Variants in PLPPR1 observed in about 807,000 individuals in gnomAD.
PLPPR1 encodes phospholipid phosphatase related 1.
PLPPR1 carries 10 observed loss-of-function variants against 33.1 expected under a neutral mutation model. The observed-to-expected ratio is 0.30, with a 90% CI of 0.19 to 0.51. PLPPR1 has a LOEUF of 0.51. Ranked by LOEUF, PLPPR1 falls within the 20% of genes least tolerant of loss-of-function variation. The pLI, the probability that PLPPR1 is intolerant of heterozygous loss-of-function variation, is 0.97. For synonymous variants in PLPPR1, 151 were observed against 151.0 expected (o/e 1.00, Z 0.00); for missense variants, 304 against 408.1 (o/e 0.74, Z 2.20).
intron 2 of PLPPR1, among the ~76,000 whole-genome samples, chr9:101,202,342 T>TTTATCACA (rs1453898874): frequency 6.6e-6 from 1 of 152,234 alleles, no homozygotes; most frequent in African/African-American, 2.4e-5. Flanking sequence ...TGAAAATATT[T>TTTATCACA]TTATCACATA....
chr9:101,115,382 C>T (rs1200673911), intron 1 of PLPPR1, among the ~76,000 whole-genome samples: 1 of 152,174 alleles, frequency 6.6e-6, no homozygotes, highest in Non-Finnish European at 1.5e-5. Flanking sequence ...TTTCAATATG[C>T]AAGTATTTAT....
chr9:101,275,187 G>T (rs184407437), intron 3 of PLPPR1, among the ~76,000 whole-genome samples: 32 of 152,332 alleles, frequency 2.1e-4, no homozygotes, highest in Middle Eastern at 6.8e-3. Flanking sequence ...CAAAAGTGTA[G>T]CTCAATGTGG....
intron 4 of PLPPR1, among the ~76,000 whole-genome samples, chr9:101,300,361 CAG>C (rs1387121164): frequency 1.1e-4 from 16 of 152,248 alleles, no homozygotes; most frequent in African/African-American, 3.6e-4. Flanking sequence ...TTATTATTTG[CAG>C]AGACAGGGTC....
intron 1 of PLPPR1, among the ~76,000 whole-genome samples, chr9:101,120,582 A>G (rs570450356): frequency 6.6e-6 from 1 of 152,316 alleles, no homozygotes; most frequent in Admixed American, 6.5e-5. Context: ...GTATGTGTCT[A>G]TAAGATAAGT....
At position 101,317,505 on chromosome 9, in the gene PLPPR1, A is replaced by G. The variant is rs1829080183; in HGVS notation, c.945+9A>G. 2 of 1,610,492 alleles carry G rather than the reference A, an allele frequency of 1.2e-6. No homozygotes were observed. Among genetic ancestry groups the G allele is most frequent in the Non-Finnish European group, 1.7e-6 (2 of 1,178,914 alleles). On this transcript the variant is annotated intron_variant, in intron 7 of 7. Transcript: ENST00000374874. ...AAACCTTAAGTGCACAGGTATGGTA[A>G]AGCAGTTTTAGCAAACCAAACCCAC... is the stretch of plus-strand genomic sequence containing the variant.
chr9:101,094,049 G>A (rs1830783987), intron 1 of PLPPR1, among the ~76,000 whole-genome samples: 1 of 152,102 alleles, frequency 6.6e-6, no homozygotes, highest in African/African-American at 2.4e-5. Context: ...CATCTGAATT[G>A]CAGCCAGAAT....
At chr9:101,187,290 G>A (rs969499167) in intron 2 of PLPPR1, 1 of 151,822 alleles carries the variant, frequency 6.6e-6, no homozygotes, top group Non-Finnish European at 1.5e-5. Flanking sequence ...CCCTCAAAGT[G>A]AGATGTTTAA....
chr9:101,292,324 C>G (rs1383067735), intron 4 of PLPPR1, among the ~76,000 whole-genome samples: 1 of 152,066 alleles, frequency 6.6e-6, no homozygotes, highest in Admixed American at 6.5e-5. Context: ...ATTGGTGTAC[C>G]TGAAAGTGAT....
At position 101,324,792 on chromosome 9, in the gene PLPPR1, CCT is replaced by C. The variant is rs1452803482; in HGVS notation, c.*736_*737del. 6.6e-6 allele frequency: 1 copy of C among 152,558 alleles called. No individual in the cohort carries two copies. Among genetic ancestry groups the C allele is most frequent in the Non-Finnish European group, 1.5e-5 (1 of 68,038 alleles). The allele number at this position is 152,558 out of a possible 1,614,324, so 9.5% of individuals were successfully genotyped here. ...CAAAAAGCAGCCAACATCAGCCTCC[CCT>C]GTCAACTCAACAGTTTTGTATCTCA... On this transcript the variant is annotated 3_prime_UTR_variant, in exon 8 of 8. Transcript: ENST00000374874.
At chr9:101,143,595 C>T (rs1037181435) in intron 1 of PLPPR1, among the ~76,000 whole-genome samples, 4 of 152,276 alleles carry the variant, frequency 2.6e-5, no homozygotes, top group Middle Eastern at 3.4e-3. Context: ...AAAAATCAAA[C>T]GACCCCATCA....
intron 5 of PLPPR1, 128 bp downstream of exon 5, chr9:101,309,589 A>G: frequency 9.7e-7 from 1 of 1,029,036 alleles, no homozygotes; most frequent in Non-Finnish European, 1.4e-6. Context: ...ATTTCTCTAC[A>G]TTATGCTATT....
intron 1 of PLPPR1, among the ~76,000 whole-genome samples, chr9:101,047,747 T>G (rs2118435996): frequency 6.6e-6 from 1 of 152,352 alleles, no homozygotes; most frequent in African/African-American, 2.4e-5. Context: ...TCGTGTAATT[T>G]ATAATGCTCA....
At chr9:101,312,246 A>C (rs909073393) in intron 5 of PLPPR1, among the ~76,000 whole-genome samples, 2 of 152,190 alleles carry the variant, frequency 1.3e-5, no homozygotes, top group Admixed American at 1.3e-4. Flanking sequence ...AGTTGTTGGG[A>C]GGTTCTAATT....
chr9:101,212,952 G>C (rs774880787), intron 2 of PLPPR1, among the ~76,000 whole-genome samples: 1 of 152,084 alleles, frequency 6.6e-6, no homozygotes, highest in Non-Finnish European at 1.5e-5. Context: ...ATTCTTCACT[G>C]TTCTCTGCCT....
intron 3 of PLPPR1, among the ~76,000 whole-genome samples, chr9:101,283,946 G>A (rs983759271): frequency 6.6e-6 from 1 of 152,122 alleles, no homozygotes; most frequent in Non-Finnish European, 1.5e-5. Context: ...TCTCACACCT[G>A]TTAGAATGGC....
chr9:101,318,187 C>T (rs879470156), intron 7 of PLPPR1, among the ~76,000 whole-genome samples: 1 of 152,042 alleles, frequency 6.6e-6, no homozygotes, highest in Non-Finnish European at 1.5e-5. Context: ...AAATAAATCA[C>T]AGATGATCAG....
At chr9:101,113,214 T>A (rs1463450422) in intron 1 of PLPPR1, among the ~76,000 whole-genome samples, 1 of 152,038 alleles carries the variant, frequency 6.6e-6, no homozygotes, top group Non-Finnish European at 1.5e-5. Flanking sequence ...TCCTTTTTTT[T>A]TTTTTTTAAC....
intron 2 of PLPPR1, among the ~76,000 whole-genome samples, chr9:101,265,380 A>T (rs900115572): frequency 1.2e-4 from 19 of 152,188 alleles, no homozygotes; most frequent in African/African-American, 4.6e-4. Flanking sequence ...TCACACTGAC[A>T]TCTTCAACCC....
At chr9:101,308,310 G>A (rs1296270754) in intron 4 of PLPPR1, among the ~76,000 whole-genome samples, 1 of 152,198 alleles carries the variant, frequency 6.6e-6, no homozygotes, top group African/African-American at 2.4e-5. Flanking sequence ...ATGATGTGAA[G>A]TGCTGGAAAG....
Sources: gnomAD v4.1 joint callset for allele counts (sites outside exome capture counted in the v4.1 genomes callset) on GRCh38, gnomAD v4.1.1 for gene constraint, MANE v1.5 for transcripts, NCBI Gene and HGNC (gene_info 2026-07-23, HGNC 2026-07-21) for gene names.